The following NTNG1 variants were observed in gnomAD, a reference collection of about 807,000 sequenced individuals.
NTNG1 encodes netrin-G1.
A neutral mutation model predicts 54.0 loss-of-function variants in NTNG1; 16 were observed. The observed-to-expected ratio is 0.30, with a 90% confidence interval of 0.20 to 0.45. NTNG1 has a LOEUF of 0.45. NTNG1 is among the 20% of genes least tolerant of loss of function. The pLI, the probability that NTNG1 is intolerant of heterozygous loss-of-function variation, is 1.00. For synonymous variants in NTNG1, 255 were observed against 263.1 expected, an observed-to-expected ratio of 0.97 and a Z score of 0.30; for missense variants, 530 against 678.7, an observed-to-expected ratio of 0.78 and a Z score of 2.43.
At chr1:107,185,642 A>C (rs1657398784) in intron 2 of NTNG1, among the ~76,000 whole-genome samples, 1 of 152,160 alleles carries the variant, frequency 6.6e-6, no homozygotes, top group African/African-American at 2.4e-5. Flanking sequence ...AACAAGGTGG[A>C]AATCACATTG....
chr1:107,368,213 C>T (rs112403581), intron 3 of NTNG1, among the ~76,000 whole-genome samples: 6 of 152,172 alleles, frequency 3.9e-5, no homozygotes, highest in African/African-American at 1.4e-4. Context: ...TCCTGTCTTC[C>T]TTCTGTTTCT....
chr1:107,297,105 AC>A (rs1290992429), intron 2 of NTNG1, among the ~76,000 whole-genome samples: 7 of 147,422 alleles, frequency 4.7e-5, no homozygotes, highest in Non-Finnish European at 7.5e-5. Context: ...ACACACACAC[AC>A]ACACACACAA....
chr1:107,477,194 TGC>T (rs1323489643), intron 7 of NTNG1, among the ~76,000 whole-genome samples: 2 of 152,164 alleles, frequency 1.3e-5, no homozygotes, highest in Non-Finnish European at 2.9e-5. Flanking sequence ...GCCTCTGAAA[TGC>T]TGAGTAGAGC....
chr1:107,218,841 C>T (rs938960207), intron 2 of NTNG1, among the ~76,000 whole-genome samples: 20 of 152,008 alleles, frequency 1.3e-4, no homozygotes, highest in Admixed American at 6.6e-4. Context: ...CAGATTCTTT[C>T]CTTTGTTGTG....
At chr1:107,379,105 G>T (rs536206882) in intron 3 of NTNG1, among the ~76,000 whole-genome samples, 71 of 152,216 alleles carry the variant, frequency 4.7e-4, no homozygotes, top group African/African-American at 1.2e-3. Flanking sequence ...GGATTAAAAG[G>T]CTACCACACA....
intron 2 of NTNG1, among the ~76,000 whole-genome samples, chr1:107,248,991 G>A (rs6662511): frequency 0.99 from 145,891 of 147,560 alleles, 72,144 homozygotes; most frequent in East Asian, 1. Flanking sequence ...TCTACTAAAA[G>A]TACAAAAAAA....
At chr1:107,224,417 G>A (rs1251186950) in intron 2 of NTNG1, among the ~76,000 whole-genome samples, 1 of 152,114 alleles carries the variant, frequency 6.6e-6, no homozygotes, top group Non-Finnish European at 1.5e-5. Flanking sequence ...ACACTCGAGG[G>A]CATTGGTCAC....
chr1:107,177,039 G>A (rs988649296), intron 2 of NTNG1, among the ~76,000 whole-genome samples: 7 of 152,084 alleles, frequency 4.6e-5, no homozygotes. Flanking sequence ...GAGAACCACT[G>A]GTCCAAGTCA....
Position 107,436,701 on chromosome 1 carries a change from G to A in NTNG1, c.1292G>A (p.Arg431His), listed in dbSNP as rs561680588. The change falls in exon 7 of 8, where the codon CGT becomes CAT. Residue 431 changes from arginine (R) to histidine (H), a missense_variant. Arg to His is a conservative substitution (Grantham distance 29, BLOSUM62 0). Around this residue, in one of 2 missense-constraint regions of NTNG1, gnomAD observed 212 missense variants for 213.6 expected, o/e 0.99. Coordinates refer to ENST00000370068, the MANE Select transcript of NTNG1 (RefSeq NM_001113226.3). ...AACCCTTTGGGCTCAATCCATGATC[G>A]TTGTAATGGCTCAGGATTTTGTGAG... The part of the protein sequence containing the change: ...YCNPLGSIHD[R>H]CNGSGFCECK... The A allele has an allele frequency of 1.2e-6, 2 of 1,613,348 alleles. No individual in the cohort carries two copies. The highest frequency in any genetic ancestry group is 1.3e-5 in the African/African-American group (1 of 75,010).
chr1:107,209,461 A>G (rs1273062280), intron 2 of NTNG1, among the ~76,000 whole-genome samples: 4 of 152,184 alleles, frequency 2.6e-5, no homozygotes, highest in Non-Finnish European at 4.4e-5. Flanking sequence ...GGGAGATGAC[A>G]GCCTTAACAG....
chr1:107,263,268 G>GCTTCCTTCCTTC (rs1368781917), intron 2 of NTNG1, among the ~76,000 whole-genome samples: 11 of 138,960 alleles, frequency 7.9e-5, no homozygotes, highest in African/African-American at 3.0e-4. Flanking sequence ...TTCTAGGTTA[G>GCTTCCTTCCTTC]CTTGCTTCCT....
intron 3 of NTNG1, among the ~76,000 whole-genome samples, chr1:107,328,338 T>C (rs1278994084): frequency 6.6e-6 from 1 of 152,124 alleles, no homozygotes; most frequent in Non-Finnish European, 1.5e-5. Context: ...CATTTTAATT[T>C]ACAGGGTAAT....
chr1:107,157,422 G>A (rs1013697389), intron 2 of NTNG1, among the ~76,000 whole-genome samples: 2 of 152,086 alleles, frequency 1.3e-5, no homozygotes, highest in Admixed American at 6.6e-5. Flanking sequence ...TTAACAATTT[G>A]TACTTCTACC....
chr1:107,433,123 A>T (rs1675376223), intron 6 of NTNG1, among the ~76,000 whole-genome samples: 1 of 152,352 alleles, frequency 6.6e-6, no homozygotes, highest in East Asian at 1.9e-4. Flanking sequence ...TTTATTAATT[A>T]AAATTATAAA....
chr1:107,146,964 C>CT (rs1469613748), intron 1 of NTNG1, among the ~76,000 whole-genome samples: 2 of 151,886 alleles, frequency 1.3e-5, no homozygotes, highest in Non-Finnish European at 2.9e-5. Context: ...AAATTGTAGG[C>CT]TTTTTTGTCC....
chr1:107,147,991 C>G (rs1166191072), intron 1 of NTNG1, 78 bp from the exon 2 acceptor site: 2 of 152,390 alleles, frequency 1.3e-5, no homozygotes, highest in Non-Finnish European at 2.9e-5. Context: ...CATCAGACCT[C>G]CAAAATGTCA....
chr1:107,253,505 T>C (rs977376570), intron 2 of NTNG1, among the ~76,000 whole-genome samples: 6 of 152,228 alleles, frequency 3.9e-5, no homozygotes, highest in Non-Finnish European at 1.5e-5. Context: ...TGTAACCAAT[T>C]TGTGTGTCAC....
intron 3 of NTNG1, among the ~76,000 whole-genome samples, chr1:107,359,619 C>G (rs752618732): frequency 2.0e-5 from 3 of 152,082 alleles, no homozygotes; most frequent in Non-Finnish European, 4.4e-5. Flanking sequence ...CAAGCTCCCC[C>G]ACCCCCAACA....
At chr1:107,246,379 A>G (rs1662201925) in intron 2 of NTNG1, among the ~76,000 whole-genome samples, 2 of 149,822 alleles carry the variant, frequency 1.3e-5, no homozygotes, top group Non-Finnish European at 3.0e-5. Context: ...TATAAAGTCA[A>G]TATGAGAGTT....
Sources: gnomAD v4.1 joint callset for allele counts (sites outside exome capture counted in the v4.1 genomes callset) on GRCh38, gnomAD v4.1.1 for gene constraint, gnomAD v4.1.1 regional missense constraint, MANE v1.5 for transcripts, NCBI Gene and HGNC (gene_info 2026-07-23, HGNC 2026-07-21) for gene names.